Variants in COL11A2 observed in about 807,000 individuals in gnomAD.
COL11A2 encodes collagen alpha-2(XI) chain.
In COL11A2, 116 loss-of-function variants were observed where a neutral mutation model predicts 273.4. The observed-to-expected ratio is 0.42, with a 90% CI of 0.36 to 0.49. The LOEUF is 0.49. Ranked by LOEUF, COL11A2 falls within the 20% of genes least tolerant of loss-of-function variation. The probability of loss-of-function intolerance (pLI) is 0.00; values close to 1 mark genes in which losing one functional copy is unlikely to be tolerated. For synonymous variants in COL11A2, 782 were observed against 864.2 expected (o/e 0.90, Z 1.67); for missense variants, 1,866 against 2,309.0 (o/e 0.81, Z 3.93).
chr6:33,189,960 C>A lies in COL11A2; in HGVS notation c.83-491G>T, dbSNP rs1278814223. On this transcript the variant is annotated intron_variant, in intron 1 of 65. Transcript: ENST00000341947. The surrounding 1 kb of genome is among the most constrained non-coding windows in gnomAD (Gnocchi z 5.6). ...TATCTCTCACTCTCTGGGTCTCTGG[C>A]ATCTGTCCCGTCTCCAGCACAAACA... 1.3e-5 allele frequency among the ~76,000 whole-genome samples: 2 copies of A among 152,142 alleles called. No individual in the cohort carries two copies. The highest frequency in any genetic ancestry group is 2.9e-5 in the Non-Finnish European group (2 of 68,036).
rs1159061609 is a variant in COL11A2 at position 33,185,821 on chromosome 6, A to G, written c.799-43T>C. ...GCATAGACAGGAAGGGGATGGGGTAATTGGAAGGTGTGGGGTGAAGGGCGG... is the reference window on the plus strand; with the variant it reads ...GCATAGACAGGAAGGGGATGGGGTAGTTGGAAGGTGTGGGGTGAAGGGCGG... On this transcript the variant is annotated intron_variant, in intron 5 of 65. Coordinates refer to ENST00000341947, the MANE Select transcript of COL11A2 (RefSeq NM_080680.3). 9 of 655,358 alleles carry G rather than the reference A, an allele frequency of 1.4e-5. No individual in the cohort carries two copies. In the Admixed American group the frequency reaches 1.6e-4, roughly 11 times the overall value. 40.6% of individuals were successfully genotyped at this position (655,358 alleles called of 1,614,324 possible).
At chr6:33,192,657 C>G (rs1162386118), upstream of COL11A2, among the ~76,000 whole-genome samples, 3 of 152,100 alleles carry the variant, frequency 2.0e-5, no homozygotes, top group Non-Finnish European at 4.4e-5. Flanking sequence ...CGGCCTGTAC[C>G]CTAAGATTCT....
rs538220091 is a variant in COL11A2, at chr6:33,177,545, C to T, written c.1918-80G>A. 63 of 1,588,360 alleles carry T rather than the reference C, an allele frequency of 4.0e-5. No homozygotes were observed. Among genetic ancestry groups the T allele is most frequent in the African/African-American group, 9.4e-5 (7 of 74,444 alleles). ...AGAGCATGGAGCTGAGTCCCAGCAG[C>T]GATAGCCAAGAAGGCAAGAGCAGGA... is the stretch of plus-strand genomic sequence containing the variant. On this transcript the variant is annotated intron_variant, in intron 22 of 65. Coordinates refer to ENST00000341947, the MANE Select transcript of COL11A2 (RefSeq NM_080680.3). This position sits in a 1 kb window ranked among gnomAD's most constrained non-coding sequence, Gnocchi z 5.9.
chr6:33,179,136 G>C lies in COL11A2; in HGVS notation c.1558-10C>G. 6.2e-7 allele frequency: 1 copy of C among 1,613,564 alleles called. No individual in the cohort carries two copies. The highest frequency in any genetic ancestry group is 8.5e-7 in the Non-Finnish European group (1 of 1,179,734). On this transcript the variant is annotated splice_polypyrimidine_tract_variant and intron_variant, in intron 15 of 65. Coordinates refer to ENST00000341947, the MANE Select transcript of COL11A2 (RefSeq NM_080680.3). The surrounding 1 kb of genome is among the most constrained non-coding windows in gnomAD (Gnocchi z 6.4). ...GAGGTCCTCTGGGGCCCTGGTGAGA[G>C]GAGAGATGGGGTGGGGTTAGGAGGC...
rs1461807669 is a variant in COL11A2, at chr6:33,164,793, T to C, written c.4863+59A>G. On this transcript the variant is annotated intron_variant, in intron 64 of 65. Transcript: ENST00000341947. The surrounding 1 kb of genome is among the most constrained non-coding windows in gnomAD (Gnocchi z 4.7). ...ACTGTCACCAAAACCCAGAAACCAC[T>C]AAGCCCTGAGGGGGTGCACTATGGG... 1 of 1,450,812 alleles carries C rather than the reference T, an allele frequency of 6.9e-7. No individual in the cohort carries two copies. The highest frequency in any genetic ancestry group is 9.4e-7 in the Non-Finnish European group (1 of 1,062,570). 89.9% of individuals were successfully genotyped at this position (1,450,812 alleles called of 1,614,324 possible).
rs1769717312 is a variant in COL11A2 at position 33,169,444 on chromosome 6, C to T, written c.3737G>A (p.Gly1246Glu). 1 of 1,612,914 alleles carries T rather than the reference C, an allele frequency of 6.2e-7. No homozygotes were observed. Among genetic ancestry groups the T allele is most frequent in the African/African-American group, 1.3e-5 (1 of 74,932 alleles). ...TTTAGGCCCTGGTGGCCCTGGCTCTCCTGGCTGCCCCGACTCTCCTTTCTC... is the reference window on the plus strand; with the variant it reads ...TTTAGGCCCTGGTGGCCCTGGCTCTTCTGGCTGCCCCGACTCTCCTTTCTC... ...RGEKGESGQPGEPGPPGPKGP... is the reference protein window; with the variant it reads ...RGEKGESGQPEEPGPPGPKGP... Residue 1246 changes from glycine (G) to glutamate (E), a missense_variant, in exon 51 of 66, where the codon GGA becomes GAA. Physicochemically the swap from Gly to Glu is moderately conservative, Grantham distance 98 (BLOSUM62 -2). Transcript: ENST00000341947. This position sits in a 1 kb window ranked among gnomAD's most constrained non-coding sequence, Gnocchi z 5.5.
rs72548087 is a variant in COL11A2, at chr6:33,170,968, TC to T, written c.3367-52del. 8 of 1,513,738 alleles carry T rather than the reference TC, an allele frequency of 5.3e-6. No homozygotes were observed. Among genetic ancestry groups the T allele is most frequent in the Non-Finnish European group, 6.2e-6 (7 of 1,134,702 alleles). 93.8% of individuals were successfully genotyped at this position (1,513,738 alleles called of 1,614,324 possible). On this transcript the variant is annotated intron_variant, in intron 45 of 65. Coordinates refer to ENST00000341947, the MANE Select transcript of COL11A2 (RefSeq NM_080680.3). The surrounding 1 kb of genome is among the most constrained non-coding windows in gnomAD (Gnocchi z 4.3). ...CAAGGACACAGGGATGGGTCATGGG[TC>T]AGGTGTTCTCTATCCACAAATACCA...
intron 8 of COL11A2, among the ~76,000 whole-genome samples, chr6:33,181,556 C>T (rs1009973518): frequency 2.0e-5 from 3 of 152,160 alleles, no homozygotes; most frequent in Non-Finnish European, 4.4e-5. Context: ...CTCACTACAA[C>T]CTCTGCCTTC....
chr6:33,166,735 C>A lies in COL11A2; in HGVS notation c.4323G>T (p.Gly1441=). The A allele has an allele frequency of 1.2e-6, 2 of 1,613,766 alleles. No individual in the cohort carries two copies. The highest frequency in any genetic ancestry group is 1.7e-6 in the Non-Finnish European group (2 of 1,180,036). Residue 1441 remains glycine, a synonymous_variant, in exon 59 of 66, where the codon GGG becomes GGT. Coordinates refer to ENST00000341947, the MANE Select transcript of COL11A2 (RefSeq NM_080680.3). The surrounding 1 kb of genome is among the most constrained non-coding windows in gnomAD (Gnocchi z 4.8). ...CTCTACTCACCATCTCACCCTTCTG[C>A]CCAGGGGAGCCCTGAGGCCCAGGAA... ...RGLPGPQGSP[G]QKGEMGIPGA...
chr6:33,191,158 A>C, intron 1 of COL11A2, among the ~76,000 whole-genome samples: 1 of 151,828 alleles, frequency 6.6e-6, no homozygotes, highest in African/African-American at 2.4e-5. Context: ...CCTAAGAAAG[A>C]CTCCTAGAGT....
At chr6:33,168,785 G>A (rs1562319499) in intron 52 of COL11A2, 26 bp from the exon 53 acceptor site, 2 of 1,598,150 alleles carry the variant, frequency 1.3e-6, no homozygotes, top group Non-Finnish European at 1.7e-6. Flanking sequence ...AAGGTCAGAG[G>A]TGGGCCCCCA....
Position 33,176,941 on chromosome 6 carries a change from C to A in COL11A2, c.2070+51G>T, listed in dbSNP as rs1770985259. ...ACTAAAGGAGCTCTGAGGTCATGCACTGGGGTGGAAGGCCAAGGGGAACTG... is the reference window on the plus strand; with the variant it reads ...ACTAAAGGAGCTCTGAGGTCATGCAATGGGGTGGAAGGCCAAGGGGAACTG... On this transcript the variant is annotated intron_variant, in intron 25 of 65. Transcript: ENST00000341947. The surrounding 1 kb of genome is among the most constrained non-coding windows in gnomAD (Gnocchi z 4.9). 1 of 1,589,848 alleles carries A rather than the reference C, an allele frequency of 6.3e-7. No individual in the cohort carries two copies. Among genetic ancestry groups the A allele is most frequent in the Non-Finnish European group, 8.6e-7 (1 of 1,166,410 alleles).
Position 33,174,229 on chromosome 6 carries a change from C to G in COL11A2, c.2431-11G>C. ...AAATCCTAGGGACCCCTGGTGAGAA[C>G]GGAGAAGGGGGGAAATTGAGAAGTT... On this transcript the variant is annotated splice_polypyrimidine_tract_variant and intron_variant, in intron 31 of 65. Transcript: ENST00000341947. 6.4e-7 allele frequency: 1 copy of G among 1,554,230 alleles called. No homozygotes were observed. The highest frequency in any genetic ancestry group is 1.2e-5 in the South Asian group (1 of 84,850).
upstream of COL11A2, among the ~76,000 whole-genome samples, chr6:33,193,147 G>A (rs1303640193): frequency 1.3e-5 from 2 of 152,132 alleles, 1 homozygote; most frequent in Admixed American, 1.3e-4. Flanking sequence ...TGGTTGGAAG[G>A]GTCCAGGGAA....
At position 33,179,207 on chromosome 6, in the gene COL11A2, G is replaced by A. The variant is rs548833177; in HGVS notation, c.1557+24C>T. 3 of 1,612,028 alleles carry A rather than the reference G, an allele frequency of 1.9e-6. No individual in the cohort carries two copies. Among genetic ancestry groups the A allele is most frequent in the African/African-American group, 2.7e-5 (2 of 74,946 alleles). On this transcript the variant is annotated intron_variant, in intron 15 of 65. Coordinates refer to ENST00000341947, the MANE Select transcript of COL11A2 (RefSeq NM_080680.3). The surrounding 1 kb of genome is among the most constrained non-coding windows in gnomAD (Gnocchi z 6.4). ...GACTGAGCTGGTGAACAGATATGGGGGTGCAGTGGAGGAAAGTGGTCACCT... is the reference window on the plus strand; with the variant it reads ...GACTGAGCTGGTGAACAGATATGGGAGTGCAGTGGAGGAAAGTGGTCACCT...
At position 33,181,144 on chromosome 6, in the gene COL11A2, C is replaced by T. The variant is rs1771681597; in HGVS notation, c.1146G>A (p.Lys382=). ...GAAAHGPRGL[K]GEKGEPAVLE... ...ACACTGCAGGCTCTCCTTTCTCTCC[C>T]TTCAGCCCTCGGGGTCCATGGGCAG... The change falls in exon 9 of 66, where the codon AAG becomes AAA. Residue 382 remains lysine, a synonymous_variant. Coordinates refer to ENST00000341947, the MANE Select transcript of COL11A2 (RefSeq NM_080680.3). 6.2e-7 allele frequency: 1 copy of T among 1,614,100 alleles called. No individual in the cohort carries two copies. Among genetic ancestry groups the T allele is most frequent in the African/African-American group, 1.3e-5 (1 of 74,914 alleles).
chr6:33,180,325 G>C lies in COL11A2; in HGVS notation c.1292C>G (p.Pro431Arg), dbSNP rs1437997364. 1.2e-6 allele frequency: 2 copies of C among 1,612,186 alleles called. No individual in the cohort carries two copies. Among genetic ancestry groups the C allele is most frequent in the Non-Finnish European group, 1.7e-6 (2 of 1,179,660 alleles). ...TGATCCAGGGAGCCCTGCTCGGCCAGGGGGGCCCTGGAGTGGGAAGAGAAT... is the reference window on the plus strand; with the variant it reads ...TGATCCAGGGAGCCCTGCTCGGCCACGGGGGCCCTGGAGTGGGAAGAGAAT... ...PVGDPGERGP[P>R]GRAGLPGSDG... Residue 431 changes from proline to arginine, a missense_variant, in exon 12 of 66, where the codon CCT (proline) becomes CGT (arginine). By Grantham distance (103) the Pro-to-Arg change is moderately radical (BLOSUM62 -2). Transcript: ENST00000341947.
At position 33,164,883 on chromosome 6, in the gene COL11A2, G is replaced by T. The variant is rs1313578155; in HGVS notation, c.4832C>A (p.Thr1611Asn). The change falls in exon 64 of 66, where the codon ACC (threonine) becomes AAC (asparagine). Residue 1611 changes from threonine (T) to asparagine (N), a missense_variant. Thr to Asn is a moderately conservative substitution (Grantham distance 65). Coordinates refer to ENST00000341947, the MANE Select transcript of COL11A2 (RefSeq NM_080680.3). This position sits in a 1 kb window ranked among gnomAD's most constrained non-coding sequence, Gnocchi z 4.7. ...GACGTCATCCCTAGGCGTCACACAGGTCTCACCCCCTGCTGTGAAGTTGCA... is the reference window on the plus strand; with the variant it reads ...GACGTCATCCCTAGGCGTCACACAGTTCTCACCCCCTGCTGTGAAGTTGCA... ...VFCNFTAGGE[T>N]CVTPRDDVTQ... 57 of 1,570,946 alleles carry T rather than the reference G, an allele frequency of 3.6e-5. No homozygotes were observed. Among genetic ancestry groups the T allele is most frequent in the Non-Finnish European group, 4.9e-5 (57 of 1,156,800 alleles).
chr6:33,165,667 A>G lies in COL11A2; in HGVS notation c.4632T>C (p.Phe1544=), dbSNP rs1464698406. ...PGSPGGLEEI[F]GSLDSLREEI... ...CCTCCCGCAGGGAGTCGAGTGAGCC[A>G]AAGATCTCCTCCAGCCCCCCAGGAC... Residue 1544 remains phenylalanine (F), a synonymous_variant, in exon 63 of 66, where the codon TTT becomes TTC. Transcript: ENST00000341947. The surrounding 1 kb of genome is among the most constrained non-coding windows in gnomAD (Gnocchi z 7.7). 3 of 1,612,090 alleles carry G rather than the reference A, an allele frequency of 1.9e-6. No individual in the cohort carries two copies. Among genetic ancestry groups the G allele is most frequent in the Non-Finnish European group, 2.5e-6 (3 of 1,179,956 alleles).
Sources: allele counts gnomAD v4.1 joint callset (sites outside exome capture counted in the v4.1 genomes callset), GRCh38; gene constraint gnomAD v4.1.1; non-coding constraint Gnocchi (gnomAD v3.1); transcripts MANE v1.5; gene names NCBI Gene and HGNC (gene_info 2026-07-23, HGNC 2026-07-21).